The following DEPDC1 variants were observed in gnomAD, a reference collection of about 807,000 sequenced individuals.
DEPDC1 encodes the protein DEP domain containing 1, also known as DEP domain-containing protein 1A.
In DEPDC1, 66 loss-of-function variants were observed where a neutral mutation model predicts 86.8. The ratio of observed to expected loss-of-function variants is 0.76; its 90% confidence interval spans 0.62 to 0.93. DEPDC1 has a LOEUF of 0.93. Among genes scored for constraint, DEPDC1 ranks in the 40% least tolerant of loss-of-function variants. The pLI is 0.00. For missense variants in DEPDC1, 792 were observed against 935.7 expected, an observed-to-expected ratio of 0.85 and a Z score of 2.00; for synonymous variants, 255 against 314.9, an observed-to-expected ratio of 0.81 and a Z score of 2.02.
chr1:68,483,994 G>C lies in DEPDC1; in HGVS notation c.866C>G (p.Pro289Arg), dbSNP rs973122303. ...IADYFLDLPE[P>R]LLTFEYYELF... is the part of the protein sequence containing the mutation. ...TTCGTAATATTCAAAAGTAAGTAGA[G>C]GTTCAGGGAGATCTAGAAAATAATC... The change falls in exon 7 of 12, where the codon CCT (proline) becomes CGT (arginine). Residue 289 changes from proline (P) to arginine (R), a missense_variant. Transcript: ENST00000456315. The C allele has an allele frequency of 8.3e-6, 13 of 1,563,068 alleles. No homozygotes were observed. Among genetic ancestry groups the C allele is most frequent in the Non-Finnish European group, 1.1e-5 (13 of 1,148,902 alleles).
In DEPDC1 at chr1:68,482,140, A is replaced by G; in HGVS notation, c.1668T>C (p.Ser556=). 6.2e-7 allele frequency: 1 copy of G among 1,612,862 alleles called. No individual in the cohort carries two copies. Residue 556 remains serine, a synonymous_variant, in exon 8 of 12, where the codon TCT becomes TCC. Transcript: ENST00000456315. ...AGAGTCTTTTATTGATTGTGGCACT[A>G]GACTCTCCGAGTTCACTTTCCATAG... The part of the protein sequence containing the change: ...QTAMESELGE[S]SATINKRLCK...
chr1:68,487,457 G>A (rs1398457850), intron 5 of DEPDC1, among the ~76,000 whole-genome samples: 4 of 151,790 alleles, frequency 2.6e-5, no homozygotes, highest in African/African-American at 7.3e-5. Context: ...AAAATCTTTC[G>A]AGTGCCACTA....
At position 68,482,322 on chromosome 1, in the gene DEPDC1, C is replaced by T. The variant is rs1348096978; in HGVS notation, c.1486G>A (p.Glu496Lys). ...GACTTGCATTTCCCATTACACAACT[C>T]CTCTTGGTCTTGAACAGTCAAAGTA... is the stretch of plus-strand genomic sequence containing the variant. ...TSTLTVQDQE[E>K]LCNGKCKSKQ... Residue 496 changes from glutamate (E) to lysine (K), a missense_variant, in exon 8 of 12, where the codon GAG becomes AAG. Transcript: ENST00000456315. The T allele has an allele frequency of 6.2e-7, 1 of 1,612,952 alleles. No homozygotes were observed. Among genetic ancestry groups the T allele is most frequent in the Admixed American group, 1.7e-5 (1 of 59,810 alleles).
chr1:68,481,510 C>T lies in DEPDC1; in HGVS notation c.1865G>A (p.Arg622His), dbSNP rs148919381. The change falls in exon 9 of 12, where the codon CGT (arginine) becomes CAT (histidine). Residue 622 changes from arginine to histidine, a missense_variant. Coordinates refer to ENST00000456315, the MANE Select transcript of DEPDC1 (RefSeq NM_001114120.3). Reference sequence around the variant, plus strand: ...ATTTTGACTCATTCGGGAAATCATACGCATTAAAAGTTGAAGCTTTCTACG... The same window carrying T: ...ATTTTGACTCATTCGGGAAATCATATGCATTAAAAGTTGAAGCTTTCTACG... The part of the protein sequence containing the change: ...PNRRKLQLLM[R>H]MISRMSQNVD... 1.5e-4 allele frequency: 237 copies of T among 1,612,220 alleles called. No homozygotes were observed. The highest frequency in any genetic ancestry group is 1.9e-4 in the Non-Finnish European group (228 of 1,179,028).
chr1:68,489,541 CTA>C lies in DEPDC1; in HGVS notation c.380_381del (p.Ile127ArgfsTer7). 4 of 1,541,194 alleles carry C rather than the reference CTA, an allele frequency of 2.6e-6. No homozygotes were observed. The highest frequency in any genetic ancestry group is 3.5e-6 in the Non-Finnish European group (4 of 1,154,322). On this transcript the variant is annotated frameshift_variant, in exon 3 of 12. Transcript: ENST00000456315. LOFTEE classifies it high-confidence loss of function. ...CTATCTTTATCTTTGGAAAAGTTCT[CTA>C]TGTTGTTTTTTCTCAATTCTGGATA... ...RRYPELRKNN[I>X]ENFSKDKDSI...
rs1323283541 is a variant in DEPDC1, at chr1:68,475,487, G to T, written c.*1445C>A. 6.6e-6 allele frequency: 1 copy of T among 151,556 alleles called. No homozygotes were observed. The highest frequency in any genetic ancestry group is 1.5e-5 in the Non-Finnish European group (1 of 67,796). The allele number at this position is 151,556 out of a possible 1,614,324, so 9.4% of individuals were successfully genotyped here. A position where few individuals can be genotyped will look rare whatever the true frequency, so the allele number is the denominator to read the frequency against. ...TCATATTTATAATTTATAATTTTCT[G>T]TCCAGGTTTTTAATAAAAATCAGTA... On this transcript the variant is annotated 3_prime_UTR_variant, in exon 12 of 12. Transcript: ENST00000456315.
Position 68,484,022 on chromosome 1 carries a change from C to A in DEPDC1, c.838G>T (p.Ala280Ser), listed in dbSNP as rs199589135. ...GFERDVFRTI[A>S]DYFLDLPEPL... ...TCAGGGAGATCTAGAAAATAATCTG[C>A]GATTGTTCTGAATACATCTCGTTCA... The change falls in exon 7 of 12, where the codon GCA becomes TCA. Residue 280 changes from alanine (A) to serine (S), a missense_variant. Coordinates refer to ENST00000456315, the MANE Select transcript of DEPDC1 (RefSeq NM_001114120.3). 3.8e-6 allele frequency: 6 copies of A among 1,577,930 alleles called. No homozygotes were observed. The highest frequency in any genetic ancestry group is 2.3e-5 in the East Asian group (1 of 43,772).
chr1:68,496,840 TG>T lies in DEPDC1; in HGVS notation c.48+111del. On this transcript the variant is annotated intron_variant, in intron 1 of 11. Coordinates refer to ENST00000456315, the MANE Select transcript of DEPDC1 (RefSeq NM_001114120.3). The surrounding 1 kb of genome is among the most constrained non-coding windows in gnomAD (Gnocchi z 4.0). ...GCCTTTTCACTGAACCTAGGGATCC[TG>T]GGACTCATCCCTCCGACCGAGGTAA... is the stretch of plus-strand genomic sequence containing the variant. 2.9e-6 allele frequency: 3 copies of T among 1,048,072 alleles called. No homozygotes were observed. Among genetic ancestry groups the T allele is most frequent in the Non-Finnish European group, 4.3e-6 (3 of 695,412 alleles). The allele number at this position is 1,048,072 out of a possible 1,614,324, so 64.9% of individuals were successfully genotyped here.
chr1:68,484,955 T>TATA (rs57575879), intron 6 of DEPDC1, among the ~76,000 whole-genome samples: 7 of 148,960 alleles, frequency 4.7e-5, no homozygotes, highest in African/African-American at 1.7e-4. Flanking sequence ...TATATATATA[T>TATA]TTTTTAAAGA....
rs1646207219 is a variant in DEPDC1 at position 68,488,437 on chromosome 1, A to G, written c.658T>C (p.Tyr220His). ...GTATTGGCCATGTTGTACATTATAT[A>G]TTGGGGAATTACTTGTTTTGGATTT... is the stretch of plus-strand genomic sequence containing the variant. ...VINPKQVIPQYIMYNMANTSK... is the reference protein window; with the variant it reads ...VINPKQVIPQHIMYNMANTSK... The change falls in exon 5 of 12, where the codon TAT becomes CAT. Residue 220 changes from tyrosine to histidine, a missense_variant. Tyr to His is a moderately conservative substitution (Grantham distance 83). Transcript: ENST00000456315. The G allele has an allele frequency of 1.9e-6, 3 of 1,607,966 alleles. No homozygotes were observed. Among genetic ancestry groups the G allele is most frequent in the Admixed American group, 1.7e-5 (1 of 59,450 alleles).
In DEPDC1 at chr1:68,483,982, A is replaced by G. The variant is rs200052582; in HGVS notation, c.878T>C (p.Phe293Ser). Residue 293 changes from phenylalanine (F) to serine (S), a missense_variant, in exon 7 of 12, where the codon TTT becomes TCT. By Grantham distance (155) the Phe-to-Ser change is radical. Transcript: ENST00000456315. The stretch of plus-strand genomic sequence containing the variant: ...GTTTACAAATAATTCGTAATATTCA[A>G]AAGTAAGTAGAGGTTCAGGGAGATC... ...FLDLPEPLLTFEYYELFVNIL... is the reference protein window; with the variant it reads ...FLDLPEPLLTSEYYELFVNIL... 6.1e-5 allele frequency: 94 copies of G among 1,547,688 alleles called. No individual in the cohort carries two copies. Among genetic ancestry groups the G allele is most frequent in the Non-Finnish European group, 8.0e-5 (91 of 1,141,740 alleles).
At chr1:68,479,823 G>C (rs892085820) in intron 9 of DEPDC1, among the ~76,000 whole-genome samples, 1 of 148,586 alleles carries the variant, frequency 6.7e-6, no homozygotes, top group African/African-American at 2.5e-5. Context: ...AAAAAAAAAA[G>C]TATATCCTTA....
In DEPDC1 at chr1:68,476,818, GT is replaced by G; in HGVS notation, c.*113del. The G allele has an allele frequency of 2.1e-6, 2 of 965,708 alleles. No homozygotes were observed. The highest frequency in any genetic ancestry group is 4.0e-5 in the South Asian group (2 of 50,176). 59.8% of individuals were successfully genotyped at this position (965,708 alleles called of 1,614,324 possible). Reference sequence around the variant, plus strand: ...ATTTTGGCACTTCCTTACATAATGTGTTTATTTAGAAATACCTTATTAATGA... The same window carrying G: ...ATTTTGGCACTTCCTTACATAATGTGTTATTTAGAAATACCTTATTAATGA... On this transcript the variant is annotated 3_prime_UTR_variant, in exon 12 of 12. Coordinates refer to ENST00000456315, the MANE Select transcript of DEPDC1 (RefSeq NM_001114120.3).
In DEPDC1 at chr1:68,484,084, C is replaced by T; in HGVS notation, c.776G>A (p.Arg259Lys). The stretch of plus-strand genomic sequence containing the variant: ...AGTTGGATTATTCATATCATTGCTT[C>T]TTGGCCCTAAGAAGTAGAAGGCAAG... ...SAMKCLANWP[R>K]SNDMNNPTYV... is the part of the protein sequence containing the mutation. The change falls in exon 7 of 12, where the codon AGA becomes AAA. Residue 259 changes from arginine to lysine, a missense_variant. Transcript: ENST00000456315. The T allele has an allele frequency of 6.4e-7, 1 of 1,558,264 alleles. No individual in the cohort carries two copies. The highest frequency in any genetic ancestry group is 2.1e-5 in the Admixed American group (1 of 47,376).
In DEPDC1 at chr1:68,477,054, G is replaced by C. The variant is rs748699841; in HGVS notation, c.2314C>G (p.Pro772Ala). 2 of 1,601,314 alleles carry C rather than the reference G, an allele frequency of 1.2e-6. No individual in the cohort carries two copies. The highest frequency in any genetic ancestry group is 2.3e-5 in the South Asian group (2 of 88,386). Reference protein sequence around the residue: ...KKLKQFQKEYPLIYQKRFPTT... With the variant: ...KKLKQFQKEYALIYQKRFPTT... The stretch of plus-strand genomic sequence containing the variant: ...GGAAATCTTTTCTGATATATCAAAG[G>C]ATATTCCTTCTGAAACTTAAAAATG... Residue 772 changes from proline (P) to alanine (A), a missense_variant, in exon 12 of 12, where the codon CCT becomes GCT. Transcript: ENST00000456315.
chr1:68,488,144 T>G (rs1202622978), intron 5 of DEPDC1, among the ~76,000 whole-genome samples: 1 of 151,892 alleles, frequency 6.6e-6, no homozygotes, highest in African/African-American at 2.4e-5. Context: ...TTTGTCATTT[T>G]TTTAAATACC....
At chr1:68,484,849 T>G (rs1646182402) in intron 6 of DEPDC1, among the ~76,000 whole-genome samples, 1 of 151,428 alleles carries the variant, frequency 6.6e-6, no homozygotes, top group African/African-American at 2.4e-5. Context: ...GGCCAGAAAT[T>G]TACTGACCTA....
intron 9 of DEPDC1, among the ~76,000 whole-genome samples, chr1:68,481,163 G>A (rs1194482051): frequency 6.6e-6 from 1 of 151,886 alleles, no homozygotes; most frequent in East Asian, 1.9e-4. Context: ...GCAACATAAC[G>A]TGGTCTGACT....
At chr1:68,477,172 G>A in intron 11 of DEPDC1, 103 bp from the exon 12 acceptor site, 1 of 933,946 alleles carries the variant, frequency 1.1e-6, no homozygotes, top group Non-Finnish European at 1.6e-6. Flanking sequence ...CAAAGACGTA[G>A]TATAGAGATT....
Sources: allele counts gnomAD v4.1 joint callset (sites outside exome capture counted in the v4.1 genomes callset), GRCh38; gene constraint gnomAD v4.1.1; non-coding constraint Gnocchi (gnomAD v3.1); transcripts MANE v1.5; gene names NCBI Gene and HGNC (gene_info 2026-07-23, HGNC 2026-07-21).